MECOM: variants seen among roughly 807,000 people sequenced by gnomAD.
The protein encoded by MECOM is histone-lysine N-methyltransferase MECOM.
MECOM carries 13 observed loss-of-function variants against 116.3 expected under a neutral mutation model. The ratio of observed to expected loss-of-function variants is 0.11; its 90% CI spans 0.07 to 0.18. The LOEUF (loss-of-function observed/expected upper bound fraction) is 0.18. MECOM is among the 10% of genes least tolerant of loss of function. MECOM has a pLI of 1.00. For synonymous variants in MECOM, 528 were observed against 535.2 expected (o/e 0.99, Z 0.19); for missense variants, 1,299 against 1,509.0 (o/e 0.86, Z 2.31).
At chr3:169,142,540 G>T (rs910081414) in intron 3 of MECOM, among the ~76,000 whole-genome samples, 1 of 151,866 alleles carries the variant, frequency 6.6e-6, no homozygotes, top group Non-Finnish European at 1.5e-5. Flanking sequence ...GTTTTCCCTT[G>T]TCAATAATTC....
intron 1 of MECOM, among the ~76,000 whole-genome samples, chr3:169,438,672 G>A (rs1159444427): frequency 6.7e-6 from 1 of 148,922 alleles, no homozygotes; most frequent in Admixed American, 6.7e-5. Context: ...AAATGGTGAA[G>A]GGATATGGAT....
At chr3:169,422,862 T>C (rs1438303708) in intron 1 of MECOM, among the ~76,000 whole-genome samples, 1 of 152,098 alleles carries the variant, frequency 6.6e-6, no homozygotes, top group East Asian at 1.9e-4. Flanking sequence ...TATTTTTTTA[T>C]ATGTAAAATA....
intron 1 of MECOM, among the ~76,000 whole-genome samples, chr3:169,431,191 C>A (rs971171477): frequency 5.9e-5 from 9 of 152,144 alleles, no homozygotes; most frequent in African/African-American, 2.2e-4. Context: ...GAGCTTACAG[C>A]CAGAGTTAGA....
chr3:169,462,358 C>T (rs536734392), intron 1 of MECOM, among the ~76,000 whole-genome samples: 2 of 152,286 alleles, frequency 1.3e-5, no homozygotes, highest in East Asian at 3.9e-4. Flanking sequence ...GTCAGACAGC[C>T]AGATGTTTTT....
intron 1 of MECOM, among the ~76,000 whole-genome samples, chr3:169,502,229 A>G (rs1452453115): frequency 6.6e-6 from 1 of 152,164 alleles, no homozygotes; most frequent in Admixed American, 6.5e-5. Context: ...CAGCCTTGCC[A>G]AATTAGACCA....
chr3:169,524,353 A>G (rs920508869), intron 1 of MECOM, among the ~76,000 whole-genome samples: 1 of 152,138 alleles, frequency 6.6e-6, no homozygotes, highest in Non-Finnish European at 1.5e-5. Context: ...ATCCTCTGAC[A>G]GTTTGCAGAG....
chr3:169,470,817 T>TA (rs538722219), intron 1 of MECOM, among the ~76,000 whole-genome samples: 90 of 151,444 alleles, frequency 5.9e-4, no homozygotes, highest in South Asian at 1.9e-3. Context: ...TACTACAGGT[T>TA]AAAAAAAAAT....
intron 1 of MECOM, among the ~76,000 whole-genome samples, chr3:169,477,533 C>T (rs1019108537): frequency 6.6e-6 from 1 of 152,106 alleles, no homozygotes; most frequent in African/African-American, 2.4e-5. Context: ...TGGCCAAGAG[C>T]ACTTCTCTGT....
chr3:169,246,400 T>A (rs1430327858), intron 2 of MECOM, among the ~76,000 whole-genome samples: 2 of 152,078 alleles, frequency 1.3e-5, no homozygotes, highest in Admixed American at 1.3e-4. Flanking sequence ...ACCACAACTA[T>A]CATGAGATCA....
At chr3:169,634,477 T>C (rs1772475605) in intron 1 of MECOM, among the ~76,000 whole-genome samples, 1 of 152,168 alleles carries the variant, frequency 6.6e-6, no homozygotes, top group Non-Finnish European at 1.5e-5. Flanking sequence ...CAATAGCTAA[T>C]CTCTCTCACT....
At chr3:169,238,312 C>T (rs1179661253) in intron 2 of MECOM, among the ~76,000 whole-genome samples, 6 of 152,012 alleles carry the variant, frequency 3.9e-5, no homozygotes, top group African/African-American at 1.5e-4. Context: ...TAAGTCAAAC[C>T]TCATGCTAAT....
At chr3:169,576,114 G>T (rs1764467154) in intron 1 of MECOM, among the ~76,000 whole-genome samples, 3 of 152,150 alleles carry the variant, frequency 2.0e-5, no homozygotes, top group Non-Finnish European at 1.5e-5. Context: ...TTAGGGAGAT[G>T]ACATTGCTAT....
At chr3:169,300,801 T>C (rs1716561120) in intron 2 of MECOM, among the ~76,000 whole-genome samples, 2 of 151,918 alleles carry the variant, frequency 1.3e-5, no homozygotes, top group South Asian at 4.1e-4. Flanking sequence ...CAGAGGAGAG[T>C]ACAACAGAGC....
chr3:169,481,957 TG>T (rs1751354263), intron 1 of MECOM, among the ~76,000 whole-genome samples: 2 of 152,302 alleles, frequency 1.3e-5, no homozygotes, highest in South Asian at 4.1e-4. Context: ...TGTTTGGTGG[TG>T]GGAAGAGAAA....
chr3:169,553,133 A>C (rs1175054163), intron 1 of MECOM, among the ~76,000 whole-genome samples: 2 of 152,246 alleles, frequency 1.3e-5, no homozygotes, highest in Non-Finnish European at 2.9e-5. Context: ...CATTCCTTAC[A>C]TGATTTTTTT....
chr3:169,184,148 G>A (rs1746413593), intron 2 of MECOM, among the ~76,000 whole-genome samples: 2 of 152,254 alleles, frequency 1.3e-5, no homozygotes, highest in South Asian at 2.1e-4. Flanking sequence ...ACAGGCTTGA[G>A]CCACCACGCC....
At chr3:169,356,438 T>C (rs1365381280) in intron 2 of MECOM, among the ~76,000 whole-genome samples, 1 of 151,878 alleles carries the variant, frequency 6.6e-6, no homozygotes, top group Non-Finnish European at 1.5e-5. Context: ...ATCAACGTAG[T>C]GTAACTTTGC....
At chr3:169,497,537 T>A (rs1360583829) in intron 1 of MECOM, among the ~76,000 whole-genome samples, 1 of 152,038 alleles carries the variant, frequency 6.6e-6, no homozygotes, top group Non-Finnish European at 1.5e-5. Flanking sequence ...CTGGTATTTT[T>A]AGTAGAGATG....
At chr3:169,438,760 C>T (rs1250387575) in intron 1 of MECOM, among the ~76,000 whole-genome samples, 1 of 152,122 alleles carries the variant, frequency 6.6e-6, no homozygotes. Flanking sequence ...TTTTCTTGTT[C>T]CAATATGCAG....
Sources: allele counts gnomAD v4.1 joint callset (sites outside exome capture counted in the v4.1 genomes callset), GRCh38; gene constraint gnomAD v4.1.1; transcripts MANE v1.5; gene names NCBI Gene and HGNC (gene_info 2026-07-23, HGNC 2026-07-21).